AFAP1: variants seen among roughly 807,000 people sequenced by gnomAD.
AFAP1 encodes the protein actin filament-associated protein 1.
AFAP1 carries 75 observed loss-of-function variants against 93.9 expected under a neutral mutation model. That is an observed-to-expected ratio of 0.80 (90% CI 0.66 to 0.97). AFAP1 has a LOEUF of 0.97. AFAP1 is among the 50% of genes least tolerant of loss of function. The probability of loss-of-function intolerance (pLI) is 0.00; values close to 1 mark genes in which losing one functional copy is unlikely to be tolerated. For synonymous variants in AFAP1, 517 were observed against 430.7 expected, an observed-to-expected ratio of 1.20 and a Z score of -2.48; for missense variants, 1,201 against 1,050.8, an observed-to-expected ratio of 1.14 and a Z score of -1.98.
At chr4:7,858,814 C>A (rs1241431828) in intron 3 of AFAP1, among the ~76,000 whole-genome samples, 2 of 152,216 alleles carry the variant, frequency 1.3e-5, no homozygotes, top group South Asian at 2.1e-4. Context: ...GTGCCCACCC[C>A]AGCTCTGAGA....
At chr4:7,847,031 C>A (rs181445774) in intron 4 of AFAP1, among the ~76,000 whole-genome samples, 328 of 152,312 alleles carry the variant, frequency 2.2e-3, no homozygotes, top group Non-Finnish European at 2.0e-3. Context: ...CATTGTCTTG[C>A]CTTCTTCTAA....
At chr4:7,934,756 T>A (rs1721281781) in intron 1 of AFAP1, among the ~76,000 whole-genome samples, 1 of 152,184 alleles carries the variant, frequency 6.6e-6, no homozygotes, top group Non-Finnish European at 1.5e-5. Context: ...ATGTGATGCT[T>A]TGCTGACCTT....
chr4:7,917,292 C>A (rs189176814), intron 1 of AFAP1, among the ~76,000 whole-genome samples: 207 of 152,218 alleles, frequency 1.4e-3, no homozygotes, highest in South Asian at 6.2e-3. Flanking sequence ...TCCATGTAGA[C>A]TGCTGAGTGG....
rs563073536 is a variant in AFAP1 at position 7,857,563 on chromosome 4, T to C, written c.226-1989A>G. On this transcript the variant is annotated intron_variant, in intron 3 of 17. Transcript: ENST00000420658. ...GTTAGGCTGGACCATCTCCAGGTCCTTCATATCTTCCTACAGACGCAACAG... is the reference window on the plus strand; with the variant it reads ...GTTAGGCTGGACCATCTCCAGGTCCCTCATATCTTCCTACAGACGCAACAG... Among the ~76,000 whole-genome samples the C allele has an allele frequency of 2.0e-5, 3 of 152,340 alleles. No individual in the cohort carries two copies. The South Asian group carries it at 6.2e-4, about 32-fold the overall frequency.
intron 4 of AFAP1, among the ~76,000 whole-genome samples, chr4:7,850,141 G>A (rs1714272278): frequency 6.6e-6 from 1 of 152,216 alleles, no homozygotes; most frequent in East Asian, 1.9e-4. Flanking sequence ...TCACTCTAGA[G>A]AAATATAGTA....
chr4:7,900,805 G>C (rs1361725722), intron 1 of AFAP1, among the ~76,000 whole-genome samples: 1 of 152,146 alleles, frequency 6.6e-6, no homozygotes, highest in Non-Finnish European at 1.5e-5. Flanking sequence ...TGAAACAAAA[G>C]AATGAGTGAG....
At chr4:7,929,161 C>T (rs1027805075) in intron 1 of AFAP1, among the ~76,000 whole-genome samples, 2 of 152,166 alleles carry the variant, frequency 1.3e-5, no homozygotes, top group African/African-American at 4.8e-5. Context: ...TGAAATGTCT[C>T]CTGCCCCCTG....
At chr4:7,898,939 G>GTA (rs1285944984) in intron 1 of AFAP1, among the ~76,000 whole-genome samples, 1 of 148,228 alleles carries the variant, frequency 6.7e-6, no homozygotes, top group Non-Finnish European at 1.5e-5. Context: ...ACATATAAAT[G>GTA]TATATATAAT....
chr4:7,798,024 T>G (rs1489946118), intron 10 of AFAP1, among the ~76,000 whole-genome samples: 1 of 152,206 alleles, frequency 6.6e-6, no homozygotes, highest in Non-Finnish European at 1.5e-5. Context: ...AACTCTGAAA[T>G]TATCTCAAAA....
chr4:7,767,848 A>G (rs1714826741), intron 17 of AFAP1, among the ~76,000 whole-genome samples: 1 of 152,184 alleles, frequency 6.6e-6, no homozygotes, highest in African/African-American at 2.4e-5. Context: ...GGGAGGTAGG[A>G]GGATCACTTG....
At chr4:7,902,184 G>C (rs1337313123) in intron 1 of AFAP1, among the ~76,000 whole-genome samples, 1 of 152,162 alleles carries the variant, frequency 6.6e-6, no homozygotes, top group Non-Finnish European at 1.5e-5. Flanking sequence ...CAGCTGGTTA[G>C]GGGACAGATA....
At chr4:7,905,822 G>A (rs1349339369) in intron 1 of AFAP1, among the ~76,000 whole-genome samples, 2 of 152,148 alleles carry the variant, frequency 1.3e-5, no homozygotes, top group Admixed American at 6.5e-5. Context: ...TCCATACCCC[G>A]TCCCATTTCT....
chr4:7,777,678 C>T (rs1716288011), intron 14 of AFAP1: 2 of 152,168 alleles, frequency 1.3e-5, no homozygotes, highest in East Asian at 1.9e-4. Flanking sequence ...GGTGCAAATC[C>T]CAAGTGGCGA....
At chr4:7,799,540 C>A (rs2149028274) in intron 10 of AFAP1, among the ~76,000 whole-genome samples, 1 of 152,312 alleles carries the variant, frequency 6.6e-6, no homozygotes, top group Non-Finnish European at 1.5e-5. Flanking sequence ...GGCCACCCAG[C>A]ACGCCTCACA....
rs145590151 is a variant in AFAP1, at chr4:7,891,493, T to C, written c.-2-19413A>G. ...TAGGTAAATAGAACTTTAAGAGATT[T>C]TGCTACACAACAGCATTAAACTTAG... On this transcript the variant is annotated intron_variant, in intron 1 of 17. Transcript: ENST00000420658. Among the ~76,000 whole-genome samples the C allele has an allele frequency of 2.8e-3, 419 of 152,222 alleles. 1 individual carries two copies. Among genetic ancestry groups the C allele is most frequent in the African/African-American group, 9.4e-3 (389 of 41,520 alleles).
intron 6 of AFAP1, among the ~76,000 whole-genome samples, chr4:7,831,064 ATTC>A (rs1711552259): frequency 6.6e-6 from 1 of 152,202 alleles, no homozygotes; most frequent in African/African-American, 2.4e-5. Context: ...GGAAAAAAAG[ATTC>A]TTAAGTCCCT....
At chr4:7,910,252 G>A (rs1315399593) in intron 1 of AFAP1, among the ~76,000 whole-genome samples, 3 of 152,080 alleles carry the variant, frequency 2.0e-5, no homozygotes, top group Non-Finnish European at 4.4e-5. Context: ...GAAAAGCAGT[G>A]CAATACAGAA....
chr4:7,796,826 A>G (rs1718473438), intron 10 of AFAP1, among the ~76,000 whole-genome samples: 1 of 151,134 alleles, frequency 6.6e-6, no homozygotes, highest in South Asian at 2.1e-4. Flanking sequence ...TTGGGAGACC[A>G]AGGCGGGCAG....
At chr4:7,788,437 C>T (rs1232337475) in intron 11 of AFAP1, among the ~76,000 whole-genome samples, 4 of 152,230 alleles carry the variant, frequency 2.6e-5, no homozygotes, top group African/African-American at 9.6e-5. Context: ...GCGTGTGCGC[C>T]CCATGCTGGG....
Sources: allele counts gnomAD v4.1 joint callset (sites outside exome capture counted in the v4.1 genomes callset), GRCh38; gene constraint gnomAD v4.1.1; transcripts MANE v1.5; gene names NCBI Gene and HGNC (gene_info 2026-07-23, HGNC 2026-07-21).